Variants in TLK1 observed in about 807,000 individuals in gnomAD.
TLK1 encodes the protein serine/threonine-protein kinase tousled-like 1.
Under a neutral mutation model 105.3 loss-of-function variants are expected in TLK1, and 24 were observed. The ratio of observed to expected loss-of-function variants is 0.23; its 90% confidence interval spans 0.17 to 0.32. The LOEUF (loss-of-function observed/expected upper bound fraction) is 0.32. Ranked by LOEUF, TLK1 falls within the 10% of genes least tolerant of loss-of-function variation. The pLI is 1.00. For missense variants in TLK1, 558 were observed against 910.5 expected (o/e 0.61, Z 4.98); for synonymous variants, 321 against 310.4 (o/e 1.03, Z -0.36).
chr2:171,169,000 C>A (rs1332333897), intron 1 of TLK1, among the ~76,000 whole-genome samples: 1 of 152,028 alleles, frequency 6.6e-6, no homozygotes, highest in East Asian at 1.9e-4. Context: ...ATCGCTTGAA[C>A]CTGGGAGGCA....
chr2:171,139,241 G>A (rs1348400508), intron 1 of TLK1, among the ~76,000 whole-genome samples: 1 of 152,044 alleles, frequency 6.6e-6, no homozygotes, highest in Non-Finnish European at 1.5e-5. Context: ...ATGCTCTGAC[G>A]ATTTTATTTG....
intron 3 of TLK1, among the ~76,000 whole-genome samples, chr2:171,070,901 G>A (rs1688222322): frequency 6.6e-6 from 1 of 152,122 alleles, no homozygotes; most frequent in Non-Finnish European, 1.5e-5. Context: ...AGTGTATGAG[G>A]TTTCCCTTTT....
At chr2:171,063,021 T>C (rs769758408) in intron 3 of TLK1, among the ~76,000 whole-genome samples, 3 of 152,146 alleles carry the variant, frequency 2.0e-5, no homozygotes, top group Non-Finnish European at 4.4e-5. Context: ...AAAATATCAC[T>C]ACATTAAAAA....
At chr2:171,199,181 C>T (rs1693351470) in intron 1 of TLK1, among the ~76,000 whole-genome samples, 1 of 152,134 alleles carries the variant, frequency 6.6e-6, no homozygotes. Context: ...TCTAGGCTAG[C>T]CCATAAAATC....
chr2:171,113,109 G>C (rs923230294), intron 2 of TLK1, among the ~76,000 whole-genome samples: 2 of 152,008 alleles, frequency 1.3e-5, no homozygotes, highest in Non-Finnish European at 1.5e-5. Context: ...CCCAGAAAAA[G>C]AGTAAACGAG....
chr2:171,110,714 T>C (rs1237626831), intron 2 of TLK1, among the ~76,000 whole-genome samples: 2 of 152,164 alleles, frequency 1.3e-5, no homozygotes, highest in Non-Finnish European at 2.9e-5. Context: ...AGAGGCAACC[T>C]AGAGGAGTTG....
chr2:171,042,725 AG>A (rs1483047956), intron 11 of TLK1, among the ~76,000 whole-genome samples: 1 of 151,822 alleles, frequency 6.6e-6, no homozygotes, highest in African/African-American at 2.4e-5. Flanking sequence ...AAAAAAAAAA[AG>A]GTTAGAGAGA....
intron 11 of TLK1, among the ~76,000 whole-genome samples, chr2:171,036,271 CCT>C (rs1271880219): frequency 6.6e-6 from 1 of 152,052 alleles, no homozygotes; most frequent in Non-Finnish European, 1.5e-5. Context: ...ATGGTGAAAC[CCT>C]GTTTCTATTA....
intron 1 of TLK1, among the ~76,000 whole-genome samples, chr2:171,122,247 A>C (rs1690683804): frequency 6.6e-6 from 1 of 152,176 alleles, no homozygotes; most frequent in Admixed American, 6.5e-5. Context: ...TACAGGCGTG[A>C]GCCACCGCAC....
intron 1 of TLK1, among the ~76,000 whole-genome samples, chr2:171,207,477 T>G (rs998948551): frequency 2.0e-5 from 3 of 152,154 alleles, no homozygotes; most frequent in Non-Finnish European, 2.9e-5. Flanking sequence ...ACCCATAGAA[T>G]GTACAACACC....
intron 1 of TLK1, among the ~76,000 whole-genome samples, chr2:171,151,790 TAAATG>T (rs1185014969): frequency 6.6e-6 from 1 of 150,862 alleles, no homozygotes; most frequent in African/African-American, 2.4e-5. Flanking sequence ...TATCTTTAAG[TAAATG>T]AAATAAGTAT....
At chr2:171,080,180 G>A (rs1274434994) in intron 3 of TLK1, among the ~76,000 whole-genome samples, 5 of 144,790 alleles carry the variant, frequency 3.5e-5, no homozygotes, top group Admixed American at 2.8e-4. Flanking sequence ...CCGGGCAAAA[G>A]AGTGAGACTC....
In TLK1 at chr2:171,160,624, G is replaced by A. The variant is rs1692450373; in HGVS notation, c.-196C>T. 3.8e-6 allele frequency: 3 copies of A among 790,428 alleles called. No individual in the cohort carries two copies. The highest frequency in any genetic ancestry group is 3.7e-4 in the Middle Eastern group (1 of 2,700). 49.0% of individuals were successfully genotyped at this position (790,428 alleles called of 1,614,324 possible). Reference sequence around the variant, plus strand: ...GAGGAAAGAGGTGAGGGAAGGAGAGGGGACAGGGAGGAGGGAAAGGGGGAG... The same window carrying A: ...GAGGAAAGAGGTGAGGGAAGGAGAGAGGACAGGGAGGAGGGAAAGGGGGAG... On this transcript the variant is annotated 5_prime_UTR_variant, in exon 1 of 21. Coordinates refer to ENST00000431350, the MANE Select transcript of TLK1 (RefSeq NM_012290.5). The surrounding 1 kb of genome is among the most constrained non-coding windows in gnomAD (Gnocchi z 4.4).
chr2:171,160,203 CGGGGCGGGG>C lies in TLK1; in HGVS notation c.139+78_139+86del, dbSNP rs1293356711. On this transcript the variant is annotated intron_variant, in intron 1 of 20. Transcript: ENST00000431350. This position sits in a 1 kb window ranked among gnomAD's most constrained non-coding sequence, Gnocchi z 4.4. ...ACCCCAGGGTCTGGCGGAGAAGCCC[CGGGGCGGGG>C]GGGGCGGGGGGGGGGCGCGGGGGTC... 239 of 1,187,592 alleles carry C rather than the reference CGGGGCGGGG, an allele frequency of 2.0e-4. No individual in the cohort carries two copies. The highest frequency in any genetic ancestry group is 9.6e-4 in the Middle Eastern group (3 of 3,120). The allele number at this position is 1,187,592 out of a possible 1,614,324, so 73.6% of individuals were successfully genotyped here.
intron 4 of TLK1, 78 bp downstream of exon 4, chr2:171,061,003 G>T: frequency 7.6e-7 from 1 of 1,324,012 alleles, no homozygotes; most frequent in South Asian, 1.3e-5. Flanking sequence ...TTTACAATTA[G>T]AGTATTAATT....
At chr2:171,006,053 AT>A in intron 18 of TLK1, 93 bp downstream of exon 18, 1 of 1,280,460 alleles carries the variant, frequency 7.8e-7, no homozygotes, top group Non-Finnish European at 1.0e-6. Flanking sequence ...AGTAATCTTA[AT>A]GGCTACATGG....
intron 1 of TLK1, among the ~76,000 whole-genome samples, chr2:171,135,320 T>TAC: frequency 3.2e-5 from 1 of 31,166 alleles, no homozygotes; most frequent in Non-Finnish European, 5.4e-5. Flanking sequence ...TGTGTGTGTG[T>TAC]ATATATATAT....
chr2:171,158,392 T>G (rs979370153), intron 1 of TLK1, among the ~76,000 whole-genome samples: 1 of 152,172 alleles, frequency 6.6e-6, no homozygotes, highest in African/African-American at 2.4e-5. Context: ...GCTAAATGAT[T>G]CCAACCCCTC....
chr2:171,169,767 A>C (rs901312828), intron 1 of TLK1, among the ~76,000 whole-genome samples: 1 of 152,232 alleles, frequency 6.6e-6, no homozygotes, highest in Non-Finnish European at 1.5e-5. Context: ...AATGAAGACC[A>C]AGAAAAAGAA....
Sources: gnomAD v4.1 joint callset for allele counts (sites outside exome capture counted in the v4.1 genomes callset) on GRCh38, gnomAD v4.1.1 for gene constraint, Gnocchi (gnomAD v3.1) non-coding constraint, MANE v1.5 for transcripts, NCBI Gene and HGNC (gene_info 2026-07-23, HGNC 2026-07-21) for gene names.